HLCS: variants seen among roughly 807,000 people sequenced by gnomAD.
HLCS encodes biotin--protein ligase.
A neutral mutation model predicts 75.0 loss-of-function variants in HLCS; 53 were observed. The observed-to-expected ratio is 0.71, with a 90% CI of 0.57 to 0.89. The LOEUF is 0.89. HLCS is among the 40% of genes least tolerant of loss of function. The pLI, the probability that HLCS is intolerant of heterozygous loss-of-function variation, is 0.00. For missense variants in HLCS, 966 were observed against 1,074.0 expected (o/e 0.90, Z 1.41); for synonymous variants, 431 against 428.6 (o/e 1.01, Z -0.07).
intron 5 of HLCS, among the ~76,000 whole-genome samples, chr21:36,920,272 G>T (rs1278532229): frequency 6.6e-6 from 1 of 151,248 alleles, no homozygotes; most frequent in Non-Finnish European, 1.5e-5. Context: ...GTTCAAGGCT[G>T]CAGTGAGCCA....
intron 6 of HLCS, among the ~76,000 whole-genome samples, chr21:36,806,792 A>G (rs2061374424): frequency 6.6e-6 from 1 of 152,186 alleles, no homozygotes; most frequent in Non-Finnish European, 1.5e-5. Context: ...ACAACTTAAG[A>G]AACCCACGAT....
upstream of HLCS, chr21:36,966,697 G>GGCCCC (rs1482579303): frequency 3.4e-6 from 3 of 876,400 alleles, no homozygotes; most frequent in Non-Finnish European, 2.7e-6. Flanking sequence ...CCCCAGGCCC[G>GGCCCC]GCCCCGCCCC....
intron 2 of HLCS, among the ~76,000 whole-genome samples, chr21:36,949,575 T>A (rs2067573962): frequency 6.6e-6 from 1 of 152,124 alleles, no homozygotes; most frequent in South Asian, 2.1e-4. Flanking sequence ...ATCACTAAGG[T>A]CAGTTCAGAT....
chr21:36,890,547 C>A (rs1387487129), intron 6 of HLCS, among the ~76,000 whole-genome samples: 1 of 152,098 alleles, frequency 6.6e-6, no homozygotes, highest in Non-Finnish European at 1.5e-5. Context: ...TATTCAATCA[C>A]AAACACACTT....
chr21:36,982,672 T>G (rs1205660593), intron 1 of HLCS, among the ~76,000 whole-genome samples: 1 of 152,152 alleles, frequency 6.6e-6, no homozygotes, highest in Non-Finnish European at 1.5e-5. Context: ...ACGTCTAAAT[T>G]TACGCATTGT....
intron 6 of HLCS, among the ~76,000 whole-genome samples, chr21:36,843,241 C>A (rs2062675696): frequency 6.6e-6 from 1 of 152,178 alleles, no homozygotes; most frequent in Admixed American, 6.5e-5. Context: ...GAGTTCAAGA[C>A]CAGCCTGGGA....
At chr21:36,933,705 C>T (rs935642415) in intron 4 of HLCS, among the ~76,000 whole-genome samples, 7 of 152,086 alleles carry the variant, frequency 4.6e-5, no homozygotes, top group Non-Finnish European at 1.0e-4. Flanking sequence ...ACGGCTATCC[C>T]GGAGATTAAC....
At chr21:36,855,328 C>T (rs12627632) in intron 6 of HLCS, among the ~76,000 whole-genome samples, 2 of 151,064 alleles carry the variant, frequency 1.3e-5, no homozygotes, top group Non-Finnish European at 2.9e-5. Context: ...GTCAGGAGTT[C>T]GAGACCAGTC....
rs1054214685 is a variant in HLCS at position 36,823,234 on chromosome 21, GA to G, written c.1893-55950del. On this transcript the variant is annotated intron_variant, in intron 6 of 10. Transcript: ENST00000674895. ...ATAATGATGCACAATGCCTGGAAGAGAATGAGAACCAGGCAAATATTTACTG... is the reference window on the plus strand; with the variant it reads ...ATAATGATGCACAATGCCTGGAAGAGATGAGAACCAGGCAAATATTTACTG... Among the ~76,000 whole-genome samples, 32 of 152,170 alleles carry G rather than the reference GA, an allele frequency of 2.1e-4. 1 individual carries two copies. Among genetic ancestry groups the G allele is most frequent in the African/African-American group, 7.7e-4 (32 of 41,434 alleles).
At chr21:36,928,076 A>C (rs141371909) in intron 5 of HLCS, among the ~76,000 whole-genome samples, 221 of 152,306 alleles carry the variant, frequency 1.5e-3, no homozygotes, top group African/African-American at 5.1e-3. Context: ...CAGATCTATA[A>C]ATACTGACCC....
chr21:36,867,791 T>C (rs945159421), intron 6 of HLCS, among the ~76,000 whole-genome samples: 2 of 152,208 alleles, frequency 1.3e-5, no homozygotes, highest in African/African-American at 4.8e-5. Flanking sequence ...CAAATTACTG[T>C]CAAGTCTCTT....
chr21:36,764,374 T>A (rs940317666), intron 8 of HLCS, among the ~76,000 whole-genome samples: 2 of 149,134 alleles, frequency 1.3e-5, no homozygotes, highest in African/African-American at 5.0e-5. Flanking sequence ...TCCAGCTTGG[T>A]GACAAAGTGA....
intron 5 of HLCS, among the ~76,000 whole-genome samples, chr21:36,919,945 A>G (rs2146442503): frequency 6.6e-6 from 1 of 152,334 alleles, no homozygotes; most frequent in Admixed American, 6.5e-5. Flanking sequence ...TGCCAAGACC[A>G]GCATAAATAC....
chr21:36,956,134 G>T (rs530399900), intron 2 of HLCS, among the ~76,000 whole-genome samples: 3 of 152,258 alleles, frequency 2.0e-5, no homozygotes, highest in African/African-American at 7.2e-5. Flanking sequence ...TACGAATTAT[G>T]TAAGTGTTCA....
intron 1 of HLCS, among the ~76,000 whole-genome samples, chr21:36,984,070 C>G (rs1350331267): frequency 1.3e-5 from 2 of 152,064 alleles, no homozygotes; most frequent in East Asian, 3.9e-4. Context: ...AACTCCTGGC[C>G]TCAAACGATC....
intron 4 of HLCS, among the ~76,000 whole-genome samples, chr21:36,935,274 G>A (rs2066827941): frequency 2.0e-5 from 3 of 152,222 alleles, no homozygotes; most frequent in African/African-American, 7.2e-5. Context: ...CTGCAGCACT[G>A]CAGGAAACCT....
At chr21:36,911,303 C>T (rs1417367418) in intron 5 of HLCS, among the ~76,000 whole-genome samples, 1 of 152,142 alleles carries the variant, frequency 6.6e-6, no homozygotes, top group Non-Finnish European at 1.5e-5. Context: ...GTCTCAGCCC[C>T]AGCAGCAAGC....
intron 5 of HLCS, among the ~76,000 whole-genome samples, chr21:36,920,060 G>A (rs1443900393): frequency 3.3e-5 from 5 of 152,108 alleles, no homozygotes; most frequent in Admixed American, 2.6e-4. Context: ...CACCAGGCAC[G>A]GTAGCTCATA....
intron 6 of HLCS, among the ~76,000 whole-genome samples, chr21:36,847,262 T>C (rs1362948928): frequency 2.6e-5 from 4 of 152,208 alleles, no homozygotes; most frequent in African/African-American, 4.8e-5. Flanking sequence ...CATAAATCCT[T>C]TTTTAAAAAT....
Sources: allele counts gnomAD v4.1 joint callset (sites outside exome capture counted in the v4.1 genomes callset), GRCh38; gene constraint gnomAD v4.1.1; transcripts MANE v1.5; gene names NCBI Gene and HGNC (gene_info 2026-07-23, HGNC 2026-07-21).